POU6F2: variants seen among roughly 807,000 people sequenced by gnomAD.
The protein encoded by POU6F2 is POU domain, class 6, transcription factor 2.
A neutral mutation model predicts 71.3 loss-of-function variants in POU6F2; 31 were observed. That is an observed-to-expected ratio of 0.43 (90% CI 0.33 to 0.59). The LOEUF is 0.59. POU6F2 is among the 20% of genes least tolerant of loss of function. The probability of loss-of-function intolerance (pLI) is 0.04; values close to 1 mark genes in which losing one functional copy is unlikely to be tolerated. For synonymous variants in POU6F2, 347 were observed against 355.7 expected, an observed-to-expected ratio of 0.98 and a Z score of 0.27; for missense variants, 783 against 856.8, an observed-to-expected ratio of 0.91 and a Z score of 1.07.
intron 8 of POU6F2, among the ~76,000 whole-genome samples, chr7:39,455,629 T>C (rs1256956673): frequency 6.6e-6 from 1 of 152,134 alleles, no homozygotes; most frequent in African/African-American, 2.4e-5. Flanking sequence ...TCAGGAATCA[T>C]AGAAAGATGA....
intron 2 of POU6F2, among the ~76,000 whole-genome samples, chr7:39,194,739 C>T (rs1793746134): frequency 6.6e-6 from 1 of 152,202 alleles, no homozygotes; most frequent in Non-Finnish European, 1.5e-5. Flanking sequence ...TGCTGGTGCT[C>T]CCTCTTTGCT....
intron 4 of POU6F2, among the ~76,000 whole-genome samples, chr7:39,305,315 G>A (rs1173091946): frequency 2.0e-5 from 3 of 152,206 alleles, no homozygotes; most frequent in Admixed American, 2.0e-4. Context: ...CTCTAATTTT[G>A]CACTTCTTAC....
chr7:38,991,925 C>A (rs182441859), intron 1 of POU6F2, among the ~76,000 whole-genome samples: 1 of 151,940 alleles, frequency 6.6e-6, no homozygotes, highest in African/African-American at 2.4e-5. Flanking sequence ...TCTCTCCATA[C>A]CCCCTCCTTC....
At chr7:39,238,217 T>A (rs892823215) in intron 4 of POU6F2, among the ~76,000 whole-genome samples, 2 of 152,278 alleles carry the variant, frequency 1.3e-5, no homozygotes, top group Admixed American at 6.5e-5. Context: ...ATCTGTAAAA[T>A]GAGCACAAAG....
chr7:39,016,697 C>T (rs1356588714), intron 1 of POU6F2, among the ~76,000 whole-genome samples: 1 of 152,106 alleles, frequency 6.6e-6, no homozygotes, highest in East Asian at 1.9e-4. Context: ...TTGACCCTAT[C>T]AGGGAAATCA....
At chr7:39,012,266 C>A (rs1385997473) in intron 1 of POU6F2, among the ~76,000 whole-genome samples, 1 of 152,126 alleles carries the variant, frequency 6.6e-6, no homozygotes, top group Non-Finnish European at 1.5e-5. Context: ...CGCTTCATTT[C>A]ATTCATTTCA....
At chr7:39,229,411 T>G (rs4291171) in intron 4 of POU6F2, among the ~76,000 whole-genome samples, 56,032 of 152,082 alleles carry the variant, frequency 0.37, 10,661 homozygotes, top group East Asian at 0.71. Context: ...TGGGCCATTC[T>G]GCCTTCTCTC....
chr7:39,079,952 G>A (rs1791082654), intron 1 of POU6F2, among the ~76,000 whole-genome samples: 1 of 152,128 alleles, frequency 6.6e-6, no homozygotes, highest in Admixed American at 6.5e-5. Flanking sequence ...TTTGTTTGCA[G>A]CCCAAAAAGT....
chr7:39,167,671 T>C (rs1793140964), intron 2 of POU6F2, among the ~76,000 whole-genome samples: 1 of 152,100 alleles, frequency 6.6e-6, no homozygotes, highest in Admixed American at 6.5e-5. Context: ...TAGCTACTTG[T>C]ATTTCTTTTA....
At chr7:38,998,524 G>T (rs1232859779) in intron 1 of POU6F2, among the ~76,000 whole-genome samples, 1 of 152,112 alleles carries the variant, frequency 6.6e-6, no homozygotes, top group Non-Finnish European at 1.5e-5. Flanking sequence ...GAGATGTCAT[G>T]GGATACATAA....
At chr7:39,135,157 T>C (rs6960769) in intron 2 of POU6F2, among the ~76,000 whole-genome samples, 152,346 of 152,346 alleles carry the variant, frequency 1, 76,173 homozygotes, top group Non-Finnish European at 1. Context: ...TATGCCAAGA[T>C]ATCTGAAAAT....
intron 4 of POU6F2, among the ~76,000 whole-genome samples, chr7:39,337,291 A>G (rs970192739): frequency 6.6e-6 from 1 of 152,114 alleles, no homozygotes; most frequent in Non-Finnish European, 1.5e-5. Flanking sequence ...TTTAAAGTAA[A>G]TTTTCAGAAT....
rs377093106 is a variant in POU6F2 at position 39,242,551 on chromosome 7, G to C, written c.598+34931G>C. On this transcript the variant is annotated intron_variant, in intron 4 of 9. Coordinates refer to ENST00000518318, the MANE Select transcript of POU6F2 (RefSeq NM_001370959.1). ...CTAAAAAGAAAGGCTTTTTTGGGGG[G>C]GGTCATGATATGGTAAAATCAAAGC... 1.2e-4 allele frequency among the ~76,000 whole-genome samples: 18 copies of C among 151,928 alleles called. No homozygotes were observed. The South Asian group carries it at 3.7e-3, about 32-fold the overall frequency.
chr7:39,093,248 A>G (rs2128722228), intron 2 of POU6F2, among the ~76,000 whole-genome samples: 1 of 152,210 alleles, frequency 6.6e-6, no homozygotes, highest in East Asian at 1.9e-4. Context: ...ATAAGGGGAA[A>G]ATGATCAGAT....
intron 1 of POU6F2, among the ~76,000 whole-genome samples, chr7:39,070,271 C>T (rs1024617076): frequency 1.3e-5 from 2 of 152,054 alleles, no homozygotes; most frequent in Non-Finnish European, 2.9e-5. Context: ...AATTTTTTCC[C>T]TAGTTCTATG....
At chr7:39,075,272 A>G (rs1790975042) in intron 1 of POU6F2, among the ~76,000 whole-genome samples, 1 of 152,158 alleles carries the variant, frequency 6.6e-6, no homozygotes, top group African/African-American at 2.4e-5. Context: ...CAGCCCAAGA[A>G]AGCTAGACCA....
At chr7:39,323,076 A>G (rs1374655457) in intron 4 of POU6F2, among the ~76,000 whole-genome samples, 3 of 152,084 alleles carry the variant, frequency 2.0e-5, no homozygotes, top group Non-Finnish European at 4.4e-5. Flanking sequence ...AACATCTGCT[A>G]TATGCAGGTT....
chr7:39,391,665 T>C (rs1290874338), intron 5 of POU6F2, among the ~76,000 whole-genome samples: 1 of 152,168 alleles, frequency 6.6e-6, no homozygotes, highest in Non-Finnish European at 1.5e-5. Context: ...GGCAACCCTC[T>C]CTTGCAAAGC....
At chr7:39,197,542 G>A (rs1793813639) in intron 2 of POU6F2, among the ~76,000 whole-genome samples, 1 of 152,210 alleles carries the variant, frequency 6.6e-6, no homozygotes, top group Non-Finnish European at 1.5e-5. Context: ...GAACATGTGT[G>A]GCTGCACCAT....
Sources: gnomAD v4.1 joint callset for allele counts (sites outside exome capture counted in the v4.1 genomes callset) on GRCh38, gnomAD v4.1.1 for gene constraint, MANE v1.5 for transcripts, NCBI Gene and HGNC (gene_info 2026-07-23, HGNC 2026-07-21) for gene names.